CAST: variants seen among roughly 807,000 people sequenced by gnomAD.
CAST encodes MIR583 host.
In CAST, 76 loss-of-function variants were observed where a neutral mutation model predicts 119.6. The observed-to-expected ratio is 0.64, with a 90% CI of 0.53 to 0.77. The LOEUF (loss-of-function observed/expected upper bound fraction) is 0.77. Ranked by LOEUF, CAST falls within the 30% of genes least tolerant of loss-of-function variation. The pLI, the probability that CAST is intolerant of heterozygous loss-of-function variation, is 0.00. For synonymous variants in CAST, 319 were observed against 331.6 expected, an observed-to-expected ratio of 0.96 and a Z score of 0.41; for missense variants, 953 against 946.5, an observed-to-expected ratio of 1.01 and a Z score of -0.09.
chr5:96,327,400 T>G, the CAST span, among the ~76,000 whole-genome samples: 2 of 152,248 alleles, frequency 1.3e-5, no homozygotes, highest in Non-Finnish European at 2.9e-5. Flanking sequence ...ACTGGGATCC[T>G]TATTCAATCT....
chr5:96,688,769 G>A (rs152006), intron 2 of CAST, among the ~76,000 whole-genome samples: 98,511 of 152,014 alleles, frequency 0.65, 33,582 homozygotes, highest in African/African-American at 0.86. Context: ...TTAATCTTAA[G>A]TGTATTTATT....
the CAST span, among the ~76,000 whole-genome samples, chr5:96,469,865 G>GTGTATA: frequency 3.1e-5 from 4 of 129,318 alleles, no homozygotes; most frequent in African/African-American, 1.3e-4. Flanking sequence ...ATATGTGTGT[G>GTGTATA]TATATATATA....
the CAST span, among the ~76,000 whole-genome samples, chr5:96,018,659 CTT>C: frequency 1.3e-5 from 2 of 152,130 alleles, no homozygotes; most frequent in African/African-American, 2.4e-5. Context: ...CTAATGAACA[CTT>C]TTTCAAGTAG....
chr5:96,399,747 A>G, the CAST span, among the ~76,000 whole-genome samples: 1 of 152,218 alleles, frequency 6.6e-6, no homozygotes, highest in East Asian at 1.9e-4. Flanking sequence ...TAGGTGGACT[A>G]CAAGAGGAAC....
the CAST span, among the ~76,000 whole-genome samples, chr5:96,209,911 AC>A: frequency 5.6e-4 from 85 of 151,726 alleles, no homozygotes; most frequent in East Asian, 2.3e-3. Context: ...TGGATGATAT[AC>A]TCAAATATGT....
chr5:96,026,474 A>C, the CAST span, among the ~76,000 whole-genome samples: 2 of 152,166 alleles, frequency 1.3e-5, no homozygotes, highest in African/African-American at 4.8e-5. Context: ...AACCACAGGC[A>C]CTCTGTCATG....
chr5:96,358,824 C>T, the CAST span, among the ~76,000 whole-genome samples: 2 of 152,122 alleles, frequency 1.3e-5, no homozygotes, highest in African/African-American at 2.4e-5. Context: ...TGTAGTGGAG[C>T]GTTCTGTAGA....
At chr5:96,343,838 G>A in the CAST span, among the ~76,000 whole-genome samples, 33 of 152,246 alleles carry the variant, frequency 2.2e-4, no homozygotes, top group East Asian at 5.8e-3. Flanking sequence ...TCTTCCTGCT[G>A]ATCTACTTTA....
Position 96,663,181 on chromosome 5 carries a change from T to G in CAST, c.75+684T>G, listed in dbSNP as rs185397219. 4.6e-4 allele frequency: 322 copies of G among 702,650 alleles called. 6 individuals are homozygous for G. In the East Asian group the frequency reaches 7.8e-3, roughly 17 times the overall value. 43.5% of individuals were successfully genotyped at this position (702,650 alleles called of 1,614,324 possible). A position where few individuals can be genotyped will look rare whatever the true frequency, so the allele number is the denominator to read the frequency against. ...GGTACAAGACGGTAAATAGGAGCGG[T>G]TGTGCCTGGGCAGGACCCGGAAGGG... is the stretch of plus-strand genomic sequence containing the variant. On this transcript the variant is annotated intron_variant, in intron 1 of 31. Transcript: ENST00000675179.
At chr5:95,961,513 G>T in the CAST span, 1 of 1,392,604 alleles carries the variant, frequency 7.2e-7, no homozygotes, top group Non-Finnish European at 9.4e-7. Context: ...ACCCGGGCGC[G>T]GCCAGGCCGT....
the CAST span, among the ~76,000 whole-genome samples, chr5:96,438,612 A>G: frequency 6.6e-6 from 1 of 152,170 alleles, no homozygotes; most frequent in African/African-American, 2.4e-5. Flanking sequence ...GGGATTAAAC[A>G]TTTGTAGGAA....
chr5:96,166,612 A>C, the CAST span, among the ~76,000 whole-genome samples: 1 of 152,184 alleles, frequency 6.6e-6, no homozygotes, highest in East Asian at 1.9e-4. Flanking sequence ...TTGAATTTAT[A>C]ATTATGTTTA....
At chr5:96,203,158 A>C in the CAST span, among the ~76,000 whole-genome samples, 1 of 151,380 alleles carries the variant, frequency 6.6e-6, no homozygotes, top group African/African-American at 2.4e-5. Flanking sequence ...TTTTTTTTTT[A>C]CATAATATAT....
intron 10 of CAST, 34 bp downstream of exon 10, chr5:96,736,274 A>G: frequency 7.6e-7 from 1 of 1,310,822 alleles, no homozygotes; most frequent in Non-Finnish European, 1.1e-6. Flanking sequence ...TACATGAGAC[A>G]GTTACTCATA....
the CAST span, among the ~76,000 whole-genome samples, chr5:96,336,272 T>C: frequency 7.2e-5 from 11 of 152,344 alleles, no homozygotes; most frequent in African/African-American, 2.6e-4. Flanking sequence ...CTTGCACATT[T>C]ACCAATAAAT....
chr5:96,415,267 G>A, the CAST span, among the ~76,000 whole-genome samples: 19 of 152,298 alleles, frequency 1.2e-4, no homozygotes, highest in African/African-American at 4.1e-4. Flanking sequence ...ATCAAGAGGA[G>A]AATGAGGTGC....
chr5:96,534,591 C>T (rs1745747096), intron 1 of CAST, among the ~76,000 whole-genome samples: 1 of 150,966 alleles, frequency 6.6e-6, no homozygotes, highest in Admixed American at 6.6e-5. Context: ...ATCCCTTGAA[C>T]CCAGGAGGCA....
At chr5:96,589,281 T>G (rs921039381) in intron 1 of CAST, among the ~76,000 whole-genome samples, 2 of 152,214 alleles carry the variant, frequency 1.3e-5, no homozygotes, top group African/African-American at 4.8e-5. Flanking sequence ...AGAAAGATGC[T>G]TGGATCTTTT....
intron 1 of CAST, among the ~76,000 whole-genome samples, chr5:96,563,790 C>T (rs1746424669): frequency 6.6e-6 from 1 of 152,322 alleles, no homozygotes; most frequent in Admixed American, 6.5e-5. Flanking sequence ...CCTCCTCCAA[C>T]GAAGCCCAGT....
Sources: allele counts gnomAD v4.1 joint callset (sites outside exome capture counted in the v4.1 genomes callset), GRCh38; gene constraint gnomAD v4.1.1; transcripts MANE v1.5; gene names NCBI Gene and HGNC (gene_info 2026-07-23, HGNC 2026-07-21).